Variants in PLD5 observed in about 807,000 individuals in gnomAD.
PLD5 encodes the protein inactive phospholipase D5.
In PLD5, 36 loss-of-function variants were observed where a neutral mutation model predicts 61.1. The observed-to-expected ratio is 0.59, with a 90% CI of 0.45 to 0.78. The LOEUF (loss-of-function observed/expected upper bound fraction) is 0.78, where lower values mean the gene tolerates loss of function less well. Among genes scored for constraint, PLD5 ranks in the 30% least tolerant of loss-of-function variants. The pLI is 0.00. For synonymous variants in PLD5, 243 were observed against 242.8 expected, an observed-to-expected ratio of 1.00 and a Z score of -0.01; for missense variants, 515 against 644.4, an observed-to-expected ratio of 0.80 and a Z score of 2.17.
chr1:242,461,987 T>C (rs1484923180), intron 1 of PLD5, among the ~76,000 whole-genome samples: 3 of 152,256 alleles, frequency 2.0e-5, no homozygotes, highest in Non-Finnish European at 2.9e-5. Flanking sequence ...GTTAAATGCA[T>C]AGTTTACAAA....
At chr1:242,199,257 T>C (rs779843575) in intron 5 of PLD5, among the ~76,000 whole-genome samples, 3 of 151,872 alleles carry the variant, frequency 2.0e-5, no homozygotes, top group South Asian at 2.1e-4. Flanking sequence ...AATTTGTATA[T>C]ATTTATGGGG....
chr1:242,246,267 A>C (rs926244939), intron 4 of PLD5, among the ~76,000 whole-genome samples: 1 of 151,992 alleles, frequency 6.6e-6, no homozygotes, highest in African/African-American at 2.4e-5. Flanking sequence ...TCAGGAGGCT[A>C]AGGCAGGAGG....
chr1:242,474,273 C>A (rs895682785), intron 1 of PLD5, among the ~76,000 whole-genome samples: 2 of 152,146 alleles, frequency 1.3e-5, no homozygotes, highest in Non-Finnish European at 2.9e-5. Flanking sequence ...CCCACAGACC[C>A]ATAACGTCAG....
At chr1:242,373,619 C>A (rs1661777941) in intron 1 of PLD5, among the ~76,000 whole-genome samples, 1 of 152,042 alleles carries the variant, frequency 6.6e-6, no homozygotes, top group South Asian at 2.1e-4. Context: ...ACTATGCAGC[C>A]ATAAAAAAGG....
At position 242,124,594 on chromosome 1, in the gene PLD5, T is replaced by A; in HGVS notation, c.807A>T (p.Leu269=). The change falls in exon 6 of 10, where the codon CTA becomes CTT. Residue 269 remains leucine (L), a synonymous_variant. Coordinates refer to ENST00000536534, the MANE Select transcript of PLD5 (RefSeq NM_001372062.1). The part of the protein sequence containing the change: ...LVLDLQRIFA[L]YSSLKFKSRV... ...TGCTTTTGAATTTTAATGAACTATATAGAGCAAATATCCTTTGTAAATCTA... is the reference window on the plus strand; with the variant it reads ...TGCTTTTGAATTTTAATGAACTATAAAGAGCAAATATCCTTTGTAAATCTA... The A allele has an allele frequency of 6.2e-7, 1 of 1,613,912 alleles. No homozygotes were observed.
intron 6 of PLD5, among the ~76,000 whole-genome samples, chr1:242,120,350 A>G (rs1054038420): frequency 6.6e-6 from 1 of 151,948 alleles, no homozygotes; most frequent in Non-Finnish European, 1.5e-5. Flanking sequence ...ACGGGGTTTC[A>G]CCATGTTGGC....
intron 4 of PLD5, among the ~76,000 whole-genome samples, chr1:242,227,846 T>C (rs1419225056): frequency 2.0e-5 from 3 of 152,198 alleles, no homozygotes; most frequent in South Asian, 2.1e-4. Context: ...CCCAGACTCA[T>C]ATTTTGATTA....
intron 2 of PLD5, among the ~76,000 whole-genome samples, chr1:242,307,362 GTGA>G (rs71176746): frequency 6.7e-4 from 100 of 149,316 alleles, no homozygotes; most frequent in South Asian, 5.8e-3. Context: ...GATGATGATG[GTGA>G]TGATGATGAT....
intron 7 of PLD5, among the ~76,000 whole-genome samples, chr1:242,108,411 C>T (rs896826028): frequency 2.0e-5 from 3 of 152,160 alleles, no homozygotes; most frequent in African/African-American, 7.2e-5. Context: ...CAAAGTTTCC[C>T]CAACAGGCTT....
At chr1:242,294,529 A>G (rs1175214924) in intron 2 of PLD5, among the ~76,000 whole-genome samples, 1 of 151,506 alleles carries the variant, frequency 6.6e-6, no homozygotes, top group Non-Finnish European at 1.5e-5. Flanking sequence ...ATAAAATATG[A>G]TACCTTCATA....
At chr1:242,409,174 T>C (rs1664410217) in intron 1 of PLD5, among the ~76,000 whole-genome samples, 1 of 152,170 alleles carries the variant, frequency 6.6e-6, no homozygotes, top group Non-Finnish European at 1.5e-5. Flanking sequence ...AACTTTGTCA[T>C]GACTAGCTTA....
chr1:242,342,374 GTT>G (rs548272330), intron 2 of PLD5, among the ~76,000 whole-genome samples: 85 of 152,322 alleles, frequency 5.6e-4, no homozygotes, highest in Admixed American at 5.0e-3. Flanking sequence ...GAGAGCAGGT[GTT>G]CTGCAATTGA....
chr1:242,449,047 T>A (rs1666672493), intron 1 of PLD5, among the ~76,000 whole-genome samples: 2 of 152,192 alleles, frequency 1.3e-5, no homozygotes, highest in Non-Finnish European at 2.9e-5. Context: ...AGAGCACACT[T>A]CAGAGAATGC....
chr1:242,483,773 A>C (rs1018044226), intron 1 of PLD5, among the ~76,000 whole-genome samples: 14 of 152,194 alleles, frequency 9.2e-5, no homozygotes, highest in Non-Finnish European at 2.1e-4. Flanking sequence ...TCAGCACCAC[A>C]CCACACCTAT....
intron 1 of PLD5, among the ~76,000 whole-genome samples, chr1:242,513,086 T>G (rs1668984002): frequency 6.6e-6 from 1 of 152,032 alleles, no homozygotes; most frequent in Admixed American, 6.6e-5. Flanking sequence ...CACTATGTTT[T>G]CCAGCCTGGT....
chr1:242,409,071 AAAAAG>A (rs200017260), intron 1 of PLD5, among the ~76,000 whole-genome samples: 14,270 of 140,266 alleles, frequency 0.1, 737 homozygotes, highest in Admixed American at 0.16. Context: ...CTCTCAAAAA[AAAAAG>A]AAAAGAAAAG....
intron 2 of PLD5, among the ~76,000 whole-genome samples, chr1:242,296,589 G>C (rs1487918283): frequency 2.0e-5 from 3 of 152,166 alleles, no homozygotes; most frequent in Non-Finnish European, 4.4e-5. Context: ...TAGGGACCTT[G>C]CTTTATTTCA....
At chr1:242,158,146 C>G (rs764570809) in intron 5 of PLD5, among the ~76,000 whole-genome samples, 1 of 152,172 alleles carries the variant, frequency 6.6e-6, no homozygotes, top group African/African-American at 2.4e-5. Flanking sequence ...CAATGGCAGA[C>G]GCCCCTTCCC....
chr1:242,450,847 G>A (rs1279933173), intron 1 of PLD5, among the ~76,000 whole-genome samples: 8 of 152,190 alleles, frequency 5.3e-5, no homozygotes, highest in African/African-American at 1.9e-4. Context: ...ATCTGGCCAA[G>A]ATGTAGCTCA....
Sources: gnomAD v4.1 joint callset for allele counts (sites outside exome capture counted in the v4.1 genomes callset) on GRCh38, gnomAD v4.1.1 for gene constraint, MANE v1.5 for transcripts, NCBI Gene and HGNC (gene_info 2026-07-23, HGNC 2026-07-21) for gene names.